UVRAG: variants seen among roughly 807,000 people sequenced by gnomAD.
UVRAG encodes the protein UV radiation resistance-associated gene protein.
In UVRAG, 19 loss-of-function variants were observed where a neutral mutation model predicts 78.0. The ratio of observed to expected loss-of-function variants is 0.24; its 90% CI spans 0.17 to 0.36. The LOEUF (loss-of-function observed/expected upper bound fraction) is 0.36. Among genes scored for constraint, UVRAG ranks in the 10% least tolerant of loss-of-function variants. The probability of loss-of-function intolerance (pLI) is 1.00; values close to 1 mark genes in which losing one functional copy is unlikely to be tolerated. For missense variants in UVRAG, 740 were observed against 853.8 expected, an observed-to-expected ratio of 0.87 and a Z score of 1.66; for synonymous variants, 323 against 324.6, an observed-to-expected ratio of 1.00 and a Z score of 0.05.
At chr11:75,828,056 C>T (rs1462840528) in intron 1 of UVRAG, among the ~76,000 whole-genome samples, 1 of 151,940 alleles carries the variant, frequency 6.6e-6, no homozygotes, top group Non-Finnish European at 1.5e-5. Context: ...GATTATGAAG[C>T]AAGGTTGGCA....
rs199866305 is a variant in UVRAG, at chr11:75,880,560, C to CT, written c.432+529dup. ...GATGTAGCTAGTAGATTACAGTTCT[C>CT]TTTTTTTTTGAGACGAAGTTTCACT... On this transcript the variant is annotated intron_variant, in intron 4 of 14. Coordinates refer to ENST00000356136, the MANE Select transcript of UVRAG (RefSeq NM_003369.4). Among the ~76,000 whole-genome samples the CT allele has an allele frequency of 7.5e-3, 1,138 of 151,186 alleles. 27 individuals are homozygous for CT. Among genetic ancestry groups the CT allele is most frequent in the Non-Finnish European group, 3.3e-3 (223 of 67,702 alleles).
chr11:76,106,043 A>C (rs1951961898), intron 13 of UVRAG, among the ~76,000 whole-genome samples: 1 of 152,198 alleles, frequency 6.6e-6, no homozygotes, highest in Non-Finnish European at 1.5e-5. Context: ...ACCTATGTCC[A>C]CATACTTATA....
chr11:76,128,523 C>G (rs1220770137), intron 14 of UVRAG, among the ~76,000 whole-genome samples: 2 of 152,126 alleles, frequency 1.3e-5, no homozygotes, highest in African/African-American at 4.8e-5. Context: ...TGGTCTTTGC[C>G]CATCAAAAGC....
At position 75,838,424 on chromosome 11, in the gene UVRAG, A is replaced by G. The variant is rs147464321; in HGVS notation, c.118-13459A>G. On this transcript the variant is annotated intron_variant, in intron 1 of 14. Transcript: ENST00000356136. ...TTGATCATGGCTCACTGAAGCCTCA[A>G]CCTCCTGGGCTCAATCGATCCTCCC... Among the ~76,000 whole-genome samples, 29 of 151,830 alleles carry G rather than the reference A, an allele frequency of 1.9e-4. No individual in the cohort carries two copies. In the East Asian group the frequency reaches 5.4e-3, roughly 28 times the overall value.
intron 11 of UVRAG, among the ~76,000 whole-genome samples, chr11:76,011,050 A>G (rs961695907): frequency 1.3e-5 from 2 of 152,102 alleles, no homozygotes; most frequent in African/African-American, 4.8e-5. Flanking sequence ...TTACTCTGAG[A>G]TGTGTCTTGA....
intron 3 of UVRAG, among the ~76,000 whole-genome samples, chr11:75,879,017 T>C (rs1946881022): frequency 6.6e-6 from 1 of 152,224 alleles, no homozygotes; most frequent in Non-Finnish European, 1.5e-5. Context: ...TTTGATGTTA[T>C]GAAAGCTCCT....
chr11:76,129,753 C>T (rs897018883), intron 14 of UVRAG, among the ~76,000 whole-genome samples: 35 of 152,094 alleles, frequency 2.3e-4, no homozygotes, highest in Non-Finnish European at 2.9e-5. Flanking sequence ...TGATCCATGC[C>T]TCCATTACCT....
chr11:75,861,783 A>G lies in UVRAG; in HGVS notation c.270+3A>G, dbSNP rs1384133871. On this transcript the variant is annotated splice_donor_region_variant and intron_variant, in intron 3 of 14. Coordinates refer to ENST00000356136, the MANE Select transcript of UVRAG (RefSeq NM_003369.4). ...GTGAAGTGATTAAGAATTCCTTGGT[A>G]AGTTTGCTTTCTGACGGGTACATAT... 1 of 1,606,606 alleles carries G rather than the reference A, an allele frequency of 6.2e-7. No homozygotes were observed. Among genetic ancestry groups the G allele is most frequent in the Non-Finnish European group, 8.5e-7 (1 of 1,174,378 alleles).
At chr11:76,067,485 G>A (rs181507307) in intron 13 of UVRAG, among the ~76,000 whole-genome samples, 17 of 152,246 alleles carry the variant, frequency 1.1e-4, no homozygotes, top group African/African-American at 3.9e-4. Context: ...GGCCAGGTGT[G>A]GTGGCTCATG....
At chr11:75,977,109 C>T (rs1949260409) in intron 7 of UVRAG, among the ~76,000 whole-genome samples, 1 of 152,138 alleles carries the variant, frequency 6.6e-6, no homozygotes, top group Admixed American at 6.6e-5. Context: ...TTTATTTCTG[C>T]CTTCATTTCA....
chr11:75,934,793 A>C (rs1389126289), intron 6 of UVRAG: 1 of 152,182 alleles, frequency 6.6e-6, no homozygotes, highest in Admixed American at 6.5e-5. Context: ...GTTTACTCTT[A>C]TTTTGTGTGT....
At chr11:75,966,848 A>G (rs970512916) in intron 7 of UVRAG, among the ~76,000 whole-genome samples, 1 of 152,190 alleles carries the variant, frequency 6.6e-6, no homozygotes, top group Admixed American at 6.5e-5. Flanking sequence ...TCTTAGGCAC[A>G]AGCTTCTTTC....
chr11:75,874,458 C>A (rs953932922), intron 3 of UVRAG, among the ~76,000 whole-genome samples: 1 of 152,016 alleles, frequency 6.6e-6, no homozygotes, highest in Non-Finnish European at 1.5e-5. Flanking sequence ...AAAACCAGTT[C>A]TTTTTGGTTG....
intron 6 of UVRAG, among the ~76,000 whole-genome samples, chr11:75,946,841 G>A (rs1023897686): frequency 2.6e-5 from 4 of 152,162 alleles, no homozygotes; most frequent in African/African-American, 9.7e-5. Flanking sequence ...CCTACCGTCT[G>A]TATTAGTCAG....
chr11:75,853,689 A>T (rs1302709258), intron 2 of UVRAG, among the ~76,000 whole-genome samples: 5 of 151,772 alleles, frequency 3.3e-5, no homozygotes, highest in Non-Finnish European at 7.4e-5. Flanking sequence ...TCTAAATTCC[A>T]CTATCCTCAT....
chr11:76,047,048 G>A (rs904787675), intron 12 of UVRAG, among the ~76,000 whole-genome samples: 1 of 152,140 alleles, frequency 6.6e-6, no homozygotes, highest in Non-Finnish European at 1.5e-5. Context: ...ATACAATTCA[G>A]TGAACATTTA....
At chr11:76,140,607 T>C in intron 14 of UVRAG, 104 bp from the exon 15 acceptor site, 1 of 1,133,252 alleles carries the variant, frequency 8.8e-7, no homozygotes, top group Admixed American at 2.6e-5. Flanking sequence ...TTATCTATTT[T>C]TATTAGCTCA....
chr11:76,133,355 A>G (rs570297806), intron 14 of UVRAG, among the ~76,000 whole-genome samples: 143 of 152,232 alleles, frequency 9.4e-4, no homozygotes, highest in African/African-American at 3.3e-3. Flanking sequence ...AATATTACCT[A>G]TGGGAGATGT....
At chr11:76,039,263 G>A (rs1950596688) in intron 12 of UVRAG, among the ~76,000 whole-genome samples, 1 of 152,100 alleles carries the variant, frequency 6.6e-6, no homozygotes, top group East Asian at 1.9e-4. Flanking sequence ...TCAAATGTTG[G>A]CCAATAATAG....
Sources: allele counts gnomAD v4.1 joint callset (sites outside exome capture counted in the v4.1 genomes callset), GRCh38; gene constraint gnomAD v4.1.1; transcripts MANE v1.5; gene names NCBI Gene and HGNC (gene_info 2026-07-23, HGNC 2026-07-21).